MLXIP: variants seen among roughly 807,000 people sequenced by gnomAD.
The protein encoded by MLXIP is MLX interacting protein.
In MLXIP, 30 loss-of-function variants were observed where a neutral mutation model predicts 87.2. The observed-to-expected ratio is 0.34, with a 90% CI of 0.26 to 0.47. The LOEUF is 0.47. Ranked by LOEUF, MLXIP falls within the 20% of genes least tolerant of loss-of-function variation. The probability of loss-of-function intolerance (pLI) is 1.00; values close to 1 mark genes in which losing one functional copy is unlikely to be tolerated. For missense variants in MLXIP, 1,002 were observed against 1,240.1 expected (o/e 0.81, Z 2.88); for synonymous variants, 530 against 514.0 (o/e 1.03, Z -0.42).
chr12:122,128,092 C>A, intron 3 of MLXIP, 124 bp downstream of exon 3: 1 of 795,002 alleles, frequency 1.3e-6, no homozygotes, highest in Non-Finnish European at 2.0e-6. Context: ...TGCCCTGCGC[C>A]ATCCATGCCC....
rs566121617 is a variant in MLXIP at position 122,105,835 on chromosome 12, C to T, written c.414-21421C>T. ...CCTTTCCCCCCCTTCTTTTCCTCCTCTCTCTCTTGTTCCCTTCTTTCTCTG... is the reference window on the plus strand; with the variant it reads ...CCTTTCCCCCCCTTCTTTTCCTCCTTTCTCTCTTGTTCCCTTCTTTCTCTG... On this transcript the variant is annotated intron_variant, in intron 1 of 16. Transcript: ENST00000319080. 3.3e-5 allele frequency among the ~76,000 whole-genome samples: 5 copies of T among 151,330 alleles called. No individual in the cohort carries two copies. The East Asian group carries it at 9.7e-4, about 29-fold the overall frequency.
intron 1 of MLXIP, among the ~76,000 whole-genome samples, chr12:122,116,577 G>A (rs546617669): frequency 7.2e-5 from 11 of 152,338 alleles, no homozygotes; most frequent in Admixed American, 1.3e-4. Flanking sequence ...CTCTTCTGGC[G>A]AGGAAACCTA....
intron 1 of MLXIP, among the ~76,000 whole-genome samples, chr12:122,120,840 TAGGG>T (rs1038062943): frequency 6.6e-6 from 1 of 151,616 alleles, no homozygotes; most frequent in Admixed American, 6.6e-5. Context: ...TGTCAGGGAG[TAGGG>T]AGGAAGCCAG....
At chr12:122,112,952 C>G (rs1053997836) in intron 1 of MLXIP, among the ~76,000 whole-genome samples, 1 of 143,128 alleles carries the variant, frequency 7.0e-6, no homozygotes, top group Admixed American at 7.0e-5. Context: ...TTGTTAAGTA[C>G]GACACAAAAA....
chr12:122,094,588 T>G (rs1333941769), intron 1 of MLXIP, among the ~76,000 whole-genome samples: 2 of 138,214 alleles, frequency 1.4e-5, no homozygotes, highest in African/African-American at 5.5e-5. Flanking sequence ...GGTGTGTTGG[T>G]GTGTGTGTTG....
chr12:122,112,801 G>A (rs1407265124), intron 1 of MLXIP, among the ~76,000 whole-genome samples: 1 of 152,166 alleles, frequency 6.6e-6, no homozygotes, highest in African/African-American at 2.4e-5. Context: ...ACCTAAAGCA[G>A]GATCCCTACA....
At chr12:122,122,882 G>T (rs1160913108) in intron 1 of MLXIP, among the ~76,000 whole-genome samples, 3 of 147,948 alleles carry the variant, frequency 2.0e-5, no homozygotes, top group Non-Finnish European at 4.5e-5. Flanking sequence ...TTAAAGAGAC[G>T]AGGTCTTGTT....
chr12:122,130,252 G>A, intron 6 of MLXIP, 140 bp downstream of exon 6: 1 of 894,246 alleles, frequency 1.1e-6, no homozygotes, highest in Non-Finnish European at 1.7e-6. Context: ...GGAAGGGAAG[G>A]ATGGCTGGCC....
intron 1 of MLXIP, among the ~76,000 whole-genome samples, chr12:122,108,236 C>T (rs374589639): frequency 2.0e-5 from 3 of 151,880 alleles, no homozygotes; most frequent in East Asian, 1.9e-4. Flanking sequence ...GGTATGGTGG[C>T]GGGCATCTAC....
At position 122,141,054 on chromosome 12, in the gene MLXIP, A is replaced by G. The variant is rs758724745; in HGVS notation, c.2609A>G (p.Gln870Arg). The G allele has an allele frequency of 1.2e-6, 2 of 1,612,732 alleles. No individual in the cohort carries two copies. The highest frequency in any genetic ancestry group is 1.7e-6 in the Non-Finnish European group (2 of 1,179,730). Residue 870 changes from glutamine to arginine, a missense_variant, in exon 16 of 17, where the codon CAG becomes CGG. Physicochemically the swap from Gln to Arg is conservative, Grantham distance 43. This residue lies in a region of MLXIP where 746 missense variants were observed against 897.0 expected (regional missense o/e 0.83). Transcript: ENST00000319080. ...LHRTALSWLD[Q>R]HCSLPILRPM... ...CGGACGGCGCTCTCCTGGCTGGACCAGCACTGCTCCCTGCCCATCCTCAGG... is the reference window on the plus strand; with the variant it reads ...CGGACGGCGCTCTCCTGGCTGGACCGGCACTGCTCCCTGCCCATCCTCAGG...
Position 122,135,350 on chromosome 12 carries a change from G to A in MLXIP, c.1854+5G>A. Reference sequence around the variant, plus strand: ...GCGCCTGCTGCCATCGCCAGGGTGAGGAGGGCCCTAGGCAGACCTGCAGTG... The same window carrying A: ...GCGCCTGCTGCCATCGCCAGGGTGAAGAGGGCCCTAGGCAGACCTGCAGTG... On this transcript the variant is annotated splice_donor_5th_base_variant and intron_variant, in intron 10 of 16. Coordinates refer to ENST00000319080, the MANE Select transcript of MLXIP (RefSeq NM_014938.6). This position sits in a 1 kb window ranked among gnomAD's most constrained non-coding sequence, Gnocchi z 5.3. 6.2e-7 allele frequency: 1 copy of A among 1,612,272 alleles called. No individual in the cohort carries two copies. The highest frequency in any genetic ancestry group is 8.5e-7 in the Non-Finnish European group (1 of 1,179,100).
intron 1 of MLXIP, among the ~76,000 whole-genome samples, chr12:122,117,063 A>T (rs954329921): frequency 6.6e-6 from 1 of 152,100 alleles, no homozygotes; most frequent in Non-Finnish European, 1.5e-5. Context: ...TGCTTTTCAC[A>T]CAGAAAAGAC....
chr12:122,105,526 G>A (rs1263551321), intron 1 of MLXIP, among the ~76,000 whole-genome samples: 1 of 151,926 alleles, frequency 6.6e-6, no homozygotes, highest in Non-Finnish European at 1.5e-5. Flanking sequence ...TAGTGGAGAT[G>A]GGGTTTCTCT....
Position 122,143,670 on chromosome 12 carries a change from T to TC in MLXIP, c.*1859dup, listed in dbSNP as rs1355212396. The TC allele has an allele frequency of 1.3e-5, 2 of 152,182 alleles. No homozygotes were observed. Among genetic ancestry groups the TC allele is most frequent in the African/African-American group, 4.8e-5 (2 of 41,434 alleles). 9.4% of individuals were successfully genotyped at this position (152,182 alleles called of 1,614,324 possible). A position where few individuals can be genotyped will look rare whatever the true frequency, so the allele number is the denominator to read the frequency against. ...GTCGTGAGTGCAGCCCCTCTCTACT[T>TC]CTGTGCCTTTGTAAAACGTGTAGAT... On this transcript the variant is annotated 3_prime_UTR_variant, in exon 17 of 17. Transcript: ENST00000319080.
chr12:122,144,449 C>A lies in MLXIP; in HGVS notation c.*2637C>A, dbSNP rs1277309656. On this transcript the variant is annotated 3_prime_UTR_variant, in exon 17 of 17. Transcript: ENST00000319080. ...AAAAAAAAAAAAAAAAAAATTTAGCCGTGTGTAGCAGTGAGTGCCTGTGGT... is the reference window on the plus strand; with the variant it reads ...AAAAAAAAAAAAAAAAAAATTTAGCAGTGTGTAGCAGTGAGTGCCTGTGGT... 3.3e-5 allele frequency: 5 copies of A among 151,106 alleles called. No homozygotes were observed. The highest frequency in any genetic ancestry group is 1.2e-4 in the African/African-American group (5 of 41,050). The allele number at this position is 151,106 out of a possible 1,614,324, so 9.4% of individuals were successfully genotyped here.
At chr12:122,103,696 T>A (rs557052916) in intron 1 of MLXIP, among the ~76,000 whole-genome samples, 81 of 143,864 alleles carry the variant, frequency 5.6e-4, no homozygotes, top group African/African-American at 2.0e-3. Context: ...ATTTTTGTAT[T>A]TTTTTTTTTT....
Position 122,129,623 on chromosome 12 carries a change from G to C in MLXIP, c.732G>C (p.Leu244=). 2 of 1,612,472 alleles carry C rather than the reference G, an allele frequency of 1.2e-6. No homozygotes were observed. The highest frequency in any genetic ancestry group is 1.7e-6 in the Non-Finnish European group (2 of 1,179,664). Residue 244 remains leucine (L), a synonymous_variant, in exon 5 of 17, where the codon CTG becomes CTC. Coordinates refer to ENST00000319080, the MANE Select transcript of MLXIP (RefSeq NM_014938.6). ...QQHKDEDLSS[L]VQDDDMLYWH... The stretch of plus-strand genomic sequence containing the variant: ...ACAAGGATGAGGACCTCTCCAGCCT[G>C]GTCCAGGTGGGTGAGCCTGGGAGCT...
rs374468907 is a variant in MLXIP, at chr12:122,138,862, G to A, written c.2432G>A (p.Arg811His). ...LPATGVPVTR[R>H]QFDHMKDMFD... ...GCCACGGGAGTCCCCGTTACCCGGC[G>A]CCAGTTTGATCACATGAAAGACATG... Residue 811 changes from arginine to histidine, a missense_variant, in exon 15 of 17, where the codon CGC becomes CAC. Around this residue, in one of 3 missense-constraint regions of MLXIP, gnomAD observed 746 missense variants for 897.0 expected, o/e 0.83. Coordinates refer to ENST00000319080, the MANE Select transcript of MLXIP (RefSeq NM_014938.6). The A allele has an allele frequency of 1.9e-5, 31 of 1,614,034 alleles. No homozygotes were observed. Among genetic ancestry groups the A allele is most frequent in the Non-Finnish European group, 2.5e-5 (30 of 1,179,894 alleles).
chr12:122,123,721 A>T (rs1952822172), intron 1 of MLXIP, among the ~76,000 whole-genome samples: 2 of 152,050 alleles, frequency 1.3e-5, no homozygotes, highest in African/African-American at 4.8e-5. Flanking sequence ...TTGTTTTCTG[A>T]GACGGTCTTG....
Sources: allele counts gnomAD v4.1 joint callset (sites outside exome capture counted in the v4.1 genomes callset), GRCh38; gene constraint gnomAD v4.1.1; regional missense constraint gnomAD v4.1.1; non-coding constraint Gnocchi (gnomAD v3.1); transcripts MANE v1.5; gene names NCBI Gene and HGNC (gene_info 2026-07-23, HGNC 2026-07-21).